RIF1: variants seen among roughly 807,000 people sequenced by gnomAD.
RIF1 encodes telomere-associated protein RIF1.
A neutral mutation model predicts 247.1 loss-of-function variants in RIF1; 45 were observed. That is an observed-to-expected ratio of 0.18 (90% CI 0.14 to 0.23). The LOEUF is 0.23. Ranked by LOEUF, RIF1 falls within the 10% of genes least tolerant of loss-of-function variation. RIF1 has a pLI of 1.00. For synonymous variants in RIF1, 1,087 were observed against 978.8 expected (o/e 1.11, Z -2.06); for missense variants, 2,967 against 2,862.5 (o/e 1.04, Z -0.83).
chr2:151,497,444 A>G, intron 10 of RIF1: 1 of 981,382 alleles, frequency 1.0e-6, no homozygotes, highest in Non-Finnish European at 1.2e-6. Flanking sequence ...AATTAACTGT[A>G]TTATAGAAAT....
intron 20 of RIF1, 71 bp from the exon 21 acceptor site, chr2:151,451,535 C>T: frequency 1.3e-6 from 1 of 780,582 alleles, no homozygotes. Context: ...TATATTTTTT[C>T]ATGTTGCTTA....
chr2:151,500,179 G>A (rs1160846148), intron 11 of RIF1, among the ~76,000 whole-genome samples: 1 of 152,118 alleles, frequency 6.6e-6, no homozygotes, highest in African/African-American at 2.4e-5. Flanking sequence ...AGGATTGTTA[G>A]TGAATAGTAA....
chr2:151,496,175 T>TTTAAG lies in RIF1; in HGVS notation c.*513+852_*513+856dup, dbSNP rs1032365398. On this transcript the variant is annotated intron_variant and NMD_transcript_variant, in intron 10 of 13. Transcript: ENST00000454583. ...AATTTGCTAAAGAAATTTCACAAAA[T>TTTAAG]TTAAGTTGTCTTTAAAAAGTAGGAT... is the stretch of plus-strand genomic sequence containing the variant. 4.6e-6 allele frequency: 6 copies of TTTAAG among 1,309,286 alleles called. No homozygotes were observed. In the African/African-American group the frequency reaches 7.5e-5, roughly 16 times the overall value. The allele number at this position is 1,309,286 out of a possible 1,614,324, so 81.1% of individuals were successfully genotyped here.
chr2:151,471,723 G>A (rs979639789), intron 34 of RIF1, among the ~76,000 whole-genome samples: 2 of 152,014 alleles, frequency 1.3e-5, no homozygotes, highest in Non-Finnish European at 2.9e-5. Flanking sequence ...TGTTCCATTG[G>A]CTTATATCTC....
At chr2:151,514,185 G>T in the RIF1 span, 1 of 663,086 alleles carries the variant, frequency 1.5e-6, no homozygotes. Context: ...CAATTATGTT[G>T]ATATGGAATC....
chr2:151,437,343 A>G lies in RIF1; in HGVS notation c.1475A>G (p.Asp492Gly). Reference protein sequence around the residue: ...VHDSFVAVGKDAPDVVVSAIW... With the variant: ...VHDSFVAVGKGAPDVVVSAIW... ...GATAGCTTTGTTGCAGTTGGAAAAG[A>G]TGCCCCCGGTAAGAGAATTTGATTT... The change falls in exon 13 of 36, where the codon GAT (aspartate) becomes GGT (glycine). Residue 492 changes from aspartate to glycine, a missense_variant. By Grantham distance (94) the Asp-to-Gly change is moderately conservative. Around this residue, in one of 7 missense-constraint regions of RIF1, gnomAD observed 369 missense variants for 322.0 expected, o/e 1.15. Coordinates refer to ENST00000444746, the MANE Select transcript of RIF1 (RefSeq NM_018151.5). 1 of 1,607,554 alleles carries G rather than the reference A, an allele frequency of 6.2e-7. No individual in the cohort carries two copies. Among genetic ancestry groups the G allele is most frequent in the Non-Finnish European group, 8.5e-7 (1 of 1,174,328 alleles).
At chr2:151,521,488 T>G in the RIF1 span, among the ~76,000 whole-genome samples, 2 of 152,058 alleles carry the variant, frequency 1.3e-5, no homozygotes, top group African/African-American at 2.4e-5. Flanking sequence ...TCCTAAGAGA[T>G]ATAGAAGTCC....
chr2:151,531,794 C>T, the RIF1 span: 2 of 1,606,614 alleles, frequency 1.2e-6, no homozygotes, highest in South Asian at 2.2e-5. Flanking sequence ...GCACTTACAT[C>T]GCTGATTTGT....
In RIF1 at chr2:151,413,401, G is replaced by A. The variant is rs997563722; in HGVS notation, c.184-1422G>A. Among the ~76,000 whole-genome samples the A allele has an allele frequency of 2.0e-5, 3 of 152,150 alleles. No homozygotes were observed. The East Asian group carries it at 5.8e-4, about 29-fold the overall frequency. On this transcript the variant is annotated intron_variant, in intron 3 of 35. Transcript: ENST00000444746. ...GAAATTATTTGGATGCACATGGAAG[G>A]TTGATAATAGGACAATAAGCAATTT...
intron 13 of RIF1, chr2:151,506,904 T>C (rs747100290): frequency 1.3e-6 from 2 of 1,570,726 alleles, no homozygotes; most frequent in Non-Finnish European, 1.8e-6. Flanking sequence ...AAATAGTAAA[T>C]ATACCGAGCT....
At chr2:151,516,467 G>T in the RIF1 span, 1 of 1,608,968 alleles carries the variant, frequency 6.2e-7, no homozygotes, top group Non-Finnish European at 8.5e-7. Context: ...ACCCCACTCT[G>T]CATCTGCTGA....
chr2:151,496,747 T>TA (rs1298088678), intron 10 of RIF1, among the ~76,000 whole-genome samples: 2 of 151,836 alleles, frequency 1.3e-5, no homozygotes, highest in African/African-American at 2.4e-5. Context: ...TCAGATGAAA[T>TA]AAAAAATCAA....
chr2:151,493,470 G>A (rs768202865), intron 9 of RIF1: 4 of 1,476,302 alleles, frequency 2.7e-6, no homozygotes, highest in Non-Finnish European at 3.7e-6. Flanking sequence ...AGAGCATCTA[G>A]GCATCAGACA....
chr2:151,443,836 A>G, intron 18 of RIF1, 127 bp downstream of exon 18: 1 of 555,998 alleles, frequency 1.8e-6, no homozygotes. Flanking sequence ...TGGAATTGGT[A>G]AACGTTGTAC....
the RIF1 span, among the ~76,000 whole-genome samples, chr2:151,521,893 A>G: frequency 0.015 from 2,284 of 152,308 alleles, 82 homozygotes; most frequent in East Asian, 0.14. Flanking sequence ...TAAAACTAGT[A>G]TAGTTTGAAA....
chr2:151,487,740 G>A (rs187739126), intron 9 of RIF1, among the ~76,000 whole-genome samples: 37 of 152,088 alleles, frequency 2.4e-4, no homozygotes, highest in African/African-American at 8.0e-4. Context: ...TGGCATGTGT[G>A]TTTAAACTTA....
Position 151,506,220 on chromosome 2 carries a change from G to C in RIF1, c.*872G>C. 3.7e-6 allele frequency: 6 copies of C among 1,613,620 alleles called. No homozygotes were observed. Among genetic ancestry groups the C allele is most frequent in the Non-Finnish European group, 5.1e-6 (6 of 1,179,572 alleles). ...CTCTCATCATCTCAGGTGTCTTTCCGATAGCCGTTCCTGGTGAGACATCCT... is the reference window on the plus strand; with the variant it reads ...CTCTCATCATCTCAGGTGTCTTTCCCATAGCCGTTCCTGGTGAGACATCCT... On this transcript the variant is annotated 3_prime_UTR_variant and NMD_transcript_variant, in exon 13 of 14. Coordinates refer to the RIF1 transcript ENST00000454583.
At chr2:151,532,675 C>T in the RIF1 span, among the ~76,000 whole-genome samples, 3 of 151,442 alleles carry the variant, frequency 2.0e-5, no homozygotes, top group African/African-American at 7.3e-5. Context: ...GCTTAACCTC[C>T]TCATTTCACA....
chr2:151,411,741 A>C (rs1034289112), intron 3 of RIF1, among the ~76,000 whole-genome samples: 3 of 152,156 alleles, frequency 2.0e-5, no homozygotes, highest in African/African-American at 7.2e-5. Context: ...TTGACTCAAA[A>C]GCTTTGAATC....
Sources: allele counts gnomAD v4.1 joint callset (sites outside exome capture counted in the v4.1 genomes callset), GRCh38; gene constraint gnomAD v4.1.1; regional missense constraint gnomAD v4.1.1; transcripts MANE v1.5; gene names NCBI Gene and HGNC (gene_info 2026-07-23, HGNC 2026-07-21).